The following FEM1B variants were observed in gnomAD, a reference collection of about 807,000 sequenced individuals.
FEM1B encodes protein fem-1 homolog B.
A neutral mutation model predicts 38.6 loss-of-function variants in FEM1B; 10 were observed. The ratio of observed to expected loss-of-function variants is 0.26; its 90% confidence interval spans 0.16 to 0.44. The LOEUF (loss-of-function observed/expected upper bound fraction) is 0.44. Ranked by LOEUF, FEM1B falls within the 20% of genes least tolerant of loss-of-function variation. FEM1B has a pLI of 1.00. For missense variants in FEM1B, 471 were observed against 786.7 expected, an observed-to-expected ratio of 0.60 and a Z score of 4.80; for synonymous variants, 288 against 288.0, an observed-to-expected ratio of 1.00 and a Z score of 0.00.
chr15:68,279,113 C>G (rs1481395628), intron 1 of FEM1B, among the ~76,000 whole-genome samples: 1 of 152,190 alleles, frequency 6.6e-6, no homozygotes, highest in Admixed American at 6.5e-5. Flanking sequence ...GTGAGTGGTT[C>G]CGTAAAACCT....
Position 68,292,719 on chromosome 15 carries a change from C to T in FEM1B, c.*1477C>T, listed in dbSNP as rs2140246960. ...ACTTAAAAAAAAAGGTTTCAATTAA[C>T]ATTTTATATATGGATAATGCTTTGT... On this transcript the variant is annotated 3_prime_UTR_variant, in exon 2 of 2. Transcript: ENST00000306917. 1 of 149,774 alleles carries T rather than the reference C, an allele frequency of 6.7e-6. No homozygotes were observed. Among genetic ancestry groups the T allele is most frequent in the Middle Eastern group, 3.4e-3 (1 of 290 alleles). 9.3% of individuals were successfully genotyped at this position (149,774 alleles called of 1,614,324 possible).
Position 68,290,759 on chromosome 15 carries a change from T to A in FEM1B, c.1401T>A (p.Ile467=), listed in dbSNP as rs1567114634. Residue 467 remains isoleucine (I), a synonymous_variant, in exon 2 of 2, where the codon ATT becomes ATA. Coordinates refer to ENST00000306917, the MANE Select transcript of FEM1B (RefSeq NM_015322.5). This position sits in a 1 kb window ranked among gnomAD's most constrained non-coding sequence, Gnocchi z 9.7. ...GCAGCGAAGAAGATCAGTGCAAAATTAACAAGCAGATCTACAACCTGATTC... is the reference window on the plus strand; with the variant it reads ...GCAGCGAAGAAGATCAGTGCAAAATAAACAAGCAGATCTACAACCTGATTC... The part of the protein sequence containing the change: ...TQCSEEDQCK[I]NKQIYNLIHL... 6 of 1,613,760 alleles carry A rather than the reference T, an allele frequency of 3.7e-6. No individual in the cohort carries two copies. In the South Asian group the frequency reaches 6.6e-5, roughly 18 times the overall value.
chr15:68,295,642 A>T lies in FEM1B; in HGVS notation c.*4400A>T, dbSNP rs958222452. 1.3e-5 allele frequency: 2 copies of T among 152,194 alleles called. No homozygotes were observed. Among genetic ancestry groups the T allele is most frequent in the Non-Finnish European group, 2.9e-5 (2 of 68,030 alleles). 9.4% of individuals were successfully genotyped at this position (152,194 alleles called of 1,614,324 possible). ...TTCTATTGTGCACTTTTGTCAAACC[A>T]TTTATGTGACTTTAATAAACATAGT... On this transcript the variant is annotated 3_prime_UTR_variant, in exon 2 of 2. Coordinates refer to ENST00000306917, the MANE Select transcript of FEM1B (RefSeq NM_015322.5).
rs1892843621 is a variant in FEM1B, at chr15:68,291,171, G to A, written c.1813G>A (p.Val605Ile). The A allele has an allele frequency of 6.2e-7, 1 of 1,614,018 alleles. No individual in the cohort carries two copies. The highest frequency in any genetic ancestry group is 1.1e-5 in the South Asian group (1 of 91,068). Residue 605 changes from valine (V) to isoleucine (I), a missense_variant, in exon 2 of 2, where the codon GTT becomes ATT. Coordinates refer to ENST00000306917, the MANE Select transcript of FEM1B (RefSeq NM_015322.5). The surrounding 1 kb of genome is among the most constrained non-coding windows in gnomAD (Gnocchi z 6.9). ...MSLKCLAARA[V>I]RANDINYQDQ... ...TCTCAAGTGCCTGGCTGCCCGAGCA[G>A]TTCGGGCTAATGACATTAACTACCA... is the stretch of plus-strand genomic sequence containing the variant.
At position 68,284,490 on chromosome 15, in the gene FEM1B, A is replaced by G. The variant is rs1358220700; in HGVS notation, c.249-5117A>G. Among the ~76,000 whole-genome samples the G allele has an allele frequency of 1.3e-5, 2 of 152,026 alleles. No individual in the cohort carries two copies. The highest frequency in any genetic ancestry group is 2.9e-5 in the Non-Finnish European group (2 of 67,994). Reference sequence around the variant, plus strand: ...TTTTTCTTTGAAGTCATTTGTGCCTATTTTTGTTTTTAATTATATCTGTTT... The same window carrying G: ...TTTTTCTTTGAAGTCATTTGTGCCTGTTTTTGTTTTTAATTATATCTGTTT... On this transcript the variant is annotated intron_variant, in intron 1 of 1. Transcript: ENST00000306917. The surrounding 1 kb of genome is among the most constrained non-coding windows in gnomAD (Gnocchi z 4.4).
At chr15:68,287,784 A>G (rs995404681) in intron 1 of FEM1B, among the ~76,000 whole-genome samples, 1 of 151,042 alleles carries the variant, frequency 6.6e-6, no homozygotes, top group African/African-American at 2.4e-5. Flanking sequence ...GTGTCCTCAC[A>G]TGGTGGAAGG....
In FEM1B at chr15:68,287,015, G is replaced by A. The variant is rs555653055; in HGVS notation, c.249-2592G>A. Among the ~76,000 whole-genome samples the A allele has an allele frequency of 7.6e-4, 114 of 150,646 alleles. 1 individual carries two copies. Among genetic ancestry groups the A allele is most frequent in the Middle Eastern group, 3.4e-3 (1 of 292 alleles). The stretch of plus-strand genomic sequence containing the variant: ...TGATTCTCCTGCCTCAGCCTCCTGC[G>A]TAGCTGGGATTACAAGCATGTGCCA... On this transcript the variant is annotated intron_variant, in intron 1 of 1. Coordinates refer to ENST00000306917, the MANE Select transcript of FEM1B (RefSeq NM_015322.5).
chr15:68,286,808 TAAC>T (rs1422099248), intron 1 of FEM1B, among the ~76,000 whole-genome samples: 6 of 148,882 alleles, frequency 4.0e-5, no homozygotes, highest in African/African-American at 7.8e-5. Flanking sequence ...AACAAAAAAA[TAAC>T]AAAAGTGAAT....
chr15:68,287,533 ATGAG>A (rs1892802693), intron 1 of FEM1B, among the ~76,000 whole-genome samples: 1 of 152,228 alleles, frequency 6.6e-6, no homozygotes. Flanking sequence ...TTATTATAAA[ATGAG>A]TATTTTCAGT....
At position 68,280,312 on chromosome 15, in the gene FEM1B, T is replaced by C. The variant is rs1240432197; in HGVS notation, c.248+1647T>C. The C allele has an allele frequency of 2.1e-4, 32 of 152,192 alleles. No individual in the cohort carries two copies. The highest frequency in any genetic ancestry group is 2.1e-3 in the Admixed American group (32 of 15,270). 9.4% of individuals were successfully genotyped at this position (152,192 alleles called of 1,614,324 possible). ...TTAATGAGTTCGGTAAGTAAACATT[T>C]ATTGAACACCTACTGCGTGCTAGGT... is the stretch of plus-strand genomic sequence containing the variant. On this transcript the variant is annotated intron_variant, in intron 1 of 1. Transcript: ENST00000306917. This position sits in a 1 kb window ranked among gnomAD's most constrained non-coding sequence, Gnocchi z 4.2.
chr15:68,283,102 A>G (rs1190216789), intron 1 of FEM1B, among the ~76,000 whole-genome samples: 1 of 152,184 alleles, frequency 6.6e-6, no homozygotes, highest in African/African-American at 2.4e-5. Flanking sequence ...CAGGAAAAAT[A>G]TTAAACTGAC....
chr15:68,281,825 A>G lies in FEM1B; in HGVS notation c.248+3160A>G, dbSNP rs1892732549. Among the ~76,000 whole-genome samples the G allele has an allele frequency of 6.6e-6, 1 of 152,208 alleles. No individual in the cohort carries two copies. Among genetic ancestry groups the G allele is most frequent in the Non-Finnish European group, 1.5e-5 (1 of 68,032 alleles). On this transcript the variant is annotated intron_variant, in intron 1 of 1. Transcript: ENST00000306917. The surrounding 1 kb of genome is among the most constrained non-coding windows in gnomAD (Gnocchi z 5.1). ...TAGAGACGGTTTCACCGTGTTAGCC[A>G]GGATGGTCTCGATCTCCTGACCTCG... is the stretch of plus-strand genomic sequence containing the variant.
At chr15:68,286,655 G>A (rs563670536) in intron 1 of FEM1B, among the ~76,000 whole-genome samples, 1 of 152,174 alleles carries the variant, frequency 6.6e-6, no homozygotes, top group African/African-American at 2.4e-5. Flanking sequence ...GGAGTGTTTT[G>A]TAGTTTTCAG....
rs1373316222 is a variant in FEM1B, at chr15:68,289,993, C to T, written c.635C>T (p.Ala212Val). ...AAAGAGCTGATAAAATGGCGTGCTG[C>T]TATAGTAGTGAATGGCCATGGGATG... ...IVKELIKWRAAIVVNGHGMTP... is the reference protein window; with the variant it reads ...IVKELIKWRAVIVVNGHGMTP... Residue 212 changes from alanine (A) to valine (V), a missense_variant, in exon 2 of 2, where the codon GCT becomes GTT. Around this residue, in one of 3 missense-constraint regions of FEM1B, gnomAD observed 380 missense variants for 599.6 expected, o/e 0.63. Coordinates refer to ENST00000306917, the MANE Select transcript of FEM1B (RefSeq NM_015322.5). The surrounding 1 kb of genome is among the most constrained non-coding windows in gnomAD (Gnocchi z 6.9). The T allele has an allele frequency of 6.2e-7, 1 of 1,614,074 alleles. No individual in the cohort carries two copies. The highest frequency in any genetic ancestry group is 8.5e-7 in the Non-Finnish European group (1 of 1,180,054).
At chr15:68,285,719 A>ATTTTTTTTTT in intron 1 of FEM1B, among the ~76,000 whole-genome samples, 1 of 150,508 alleles carries the variant, frequency 6.6e-6, no homozygotes, top group Non-Finnish European at 1.5e-5. Context: ...AATTGAGTAG[A>ATTTTTTTTTT]GACAGGATCT....
In FEM1B at chr15:68,290,021, G is replaced by T; in HGVS notation, c.663G>T (p.Thr221=). Residue 221 remains threonine, a synonymous_variant, in exon 2 of 2, where the codon ACG becomes ACT. Transcript: ENST00000306917. This position sits in a 1 kb window ranked among gnomAD's most constrained non-coding sequence, Gnocchi z 9.7. ...AAIVVNGHGM[T]PLKVAAESCK... ...TAGTAGTGAATGGCCATGGGATGAC[G>T]CCATTGAAAGTAGCTGCCGAAAGCT... is the stretch of plus-strand genomic sequence containing the variant. 9 of 1,614,190 alleles carry T rather than the reference G, an allele frequency of 5.6e-6. No homozygotes were observed. Among genetic ancestry groups the T allele is most frequent in the Non-Finnish European group, 7.6e-6 (9 of 1,180,030 alleles).
intron 1 of FEM1B, among the ~76,000 whole-genome samples, chr15:68,283,971 T>C (rs1460989516): frequency 1.3e-5 from 2 of 151,722 alleles, no homozygotes; most frequent in African/African-American, 4.8e-5. Flanking sequence ...CCGCAAACTC[T>C]GCCTCCCAGG....
At position 68,289,128 on chromosome 15, in the gene FEM1B, CTTTATT is replaced by C. The variant is rs1440935237; in HGVS notation, c.249-475_249-470del. 1 of 161,066 alleles carries C rather than the reference CTTTATT, an allele frequency of 6.2e-6. No individual in the cohort carries two copies. Among genetic ancestry groups the C allele is most frequent in the Non-Finnish European group, 1.4e-5 (1 of 72,808 alleles). 10.0% of individuals were successfully genotyped at this position (161,066 alleles called of 1,614,324 possible). Reference sequence around the variant, plus strand: ...AATTAGCTTAGGGGAAACTTACCTGCTTTATTTTTTTCTTCTTAAAGCAGTGTCTAA... The same window carrying C: ...AATTAGCTTAGGGGAAACTTACCTGCTTTTTCTTCTTAAAGCAGTGTCTAA... On this transcript the variant is annotated intron_variant, in intron 1 of 1. Transcript: ENST00000306917. The surrounding 1 kb of genome is among the most constrained non-coding windows in gnomAD (Gnocchi z 6.9).
chr15:68,285,897 A>G (rs77026141), intron 1 of FEM1B, among the ~76,000 whole-genome samples: 534 of 151,580 alleles, frequency 3.5e-3, no homozygotes, highest in African/African-American at 0.012. Flanking sequence ...GAAATCCAAT[A>G]AATACTTTCT....
Sources: gnomAD v4.1 joint callset for allele counts (sites outside exome capture counted in the v4.1 genomes callset) on GRCh38, gnomAD v4.1.1 for gene constraint, gnomAD v4.1.1 regional missense constraint, Gnocchi (gnomAD v3.1) non-coding constraint, MANE v1.5 for transcripts, NCBI Gene and HGNC (gene_info 2026-07-23, HGNC 2026-07-21) for gene names.